ADAM32: variants seen among roughly 807,000 people sequenced by gnomAD.
The protein encoded by ADAM32 is ADAM metallopeptidase domain 32.
Under a neutral mutation model 114.9 loss-of-function variants are expected in ADAM32, and 89 were observed. The observed-to-expected ratio is 0.77, with a 90% CI of 0.65 to 0.92. ADAM32 has a LOEUF of 0.92. Ranked by LOEUF, ADAM32 falls within the 40% of genes least tolerant of loss-of-function variation. The probability of loss-of-function intolerance (pLI) is 0.00; values close to 1 mark genes in which losing one functional copy is unlikely to be tolerated. For synonymous variants in ADAM32, 285 were observed against 307.5 expected (o/e 0.93, Z 0.77); for missense variants, 870 against 932.8 (o/e 0.93, Z 0.88).
intron 12 of ADAM32, among the ~76,000 whole-genome samples, chr8:39,211,566 C>A (rs1042908682): frequency 4.6e-5 from 7 of 152,096 alleles, no homozygotes; most frequent in Admixed American, 4.6e-4. Context: ...CTAGAATAAG[C>A]TTTTGAGTTT....
intron 2 of ADAM32, among the ~76,000 whole-genome samples, chr8:39,131,158 G>A (rs1396930044): frequency 1.3e-5 from 2 of 151,880 alleles, no homozygotes; most frequent in Admixed American, 6.6e-5. Context: ...GGATTTCACC[G>A]TGTTAGCCAG....
At chr8:39,278,898 C>T (rs758510363) in intron 22 of ADAM32, among the ~76,000 whole-genome samples, 3 of 152,138 alleles carry the variant, frequency 2.0e-5, no homozygotes, top group Non-Finnish European at 4.4e-5. Context: ...AATGGTTACT[C>T]CTAGCTGAGA....
At chr8:39,215,915 A>G (rs972350602) in intron 12 of ADAM32, among the ~76,000 whole-genome samples, 8 of 152,108 alleles carry the variant, frequency 5.3e-5, no homozygotes, top group Admixed American at 2.6e-4. Context: ...CATTTTATCT[A>G]TAGTGCAGAT....
intron 6 of ADAM32, among the ~76,000 whole-genome samples, chr8:39,160,386 A>G (rs1397518303): frequency 3.9e-5 from 6 of 152,020 alleles, no homozygotes; most frequent in Non-Finnish European, 7.4e-5. Context: ...TAAAAATACA[A>G]AAAATTAGCC....
intron 16 of ADAM32, among the ~76,000 whole-genome samples, chr8:39,234,820 T>G (rs1318636250): frequency 1.3e-5 from 2 of 152,196 alleles, no homozygotes; most frequent in Non-Finnish European, 2.9e-5. Flanking sequence ...AACATCCAAA[T>G]AGCTCAAGCC....
intron 2 of ADAM32, among the ~76,000 whole-genome samples, chr8:39,127,805 G>A (rs755684675): frequency 2.6e-5 from 4 of 152,058 alleles, no homozygotes; most frequent in Non-Finnish European, 4.4e-5. Flanking sequence ...GCTTTTTGAT[G>A]TGGGCATTTA....
At chr8:39,171,470 C>A (rs888458532) in intron 10 of ADAM32, among the ~76,000 whole-genome samples, 1 of 152,092 alleles carries the variant, frequency 6.6e-6, no homozygotes, top group African/African-American at 2.4e-5. Context: ...GTAGCTCTCT[C>A]TATATATATT....
intron 14 of ADAM32, among the ~76,000 whole-genome samples, chr8:39,231,514 C>T (rs908598351): frequency 2.0e-5 from 3 of 151,820 alleles, no homozygotes; most frequent in Non-Finnish European, 2.9e-5. Context: ...TTTAAGCTGC[C>T]GAATCTTTTC....
intron 12 of ADAM32, among the ~76,000 whole-genome samples, chr8:39,217,929 G>C (rs2129448646): frequency 6.6e-6 from 1 of 152,252 alleles, no homozygotes; most frequent in Middle Eastern, 3.4e-3. Context: ...GCTTGTGGAT[G>C]TTCTTTGGTT....
chr8:39,208,140 A>T (rs1223232490), intron 11 of ADAM32, among the ~76,000 whole-genome samples: 4 of 152,052 alleles, frequency 2.6e-5, no homozygotes, highest in African/African-American at 9.7e-5. Context: ...TTTGAGGAAG[A>T]TTCATATTGT....
At chr8:39,171,237 G>A (rs912894577) in intron 10 of ADAM32, among the ~76,000 whole-genome samples, 1 of 152,096 alleles carries the variant, frequency 6.6e-6, no homozygotes, top group African/African-American at 2.4e-5. Flanking sequence ...GAGCCACCAT[G>A]CCTGGCCAGT....
At chr8:39,226,051 A>T (rs72641212) in intron 14 of ADAM32, among the ~76,000 whole-genome samples, 55 of 151,602 alleles carry the variant, frequency 3.6e-4, no homozygotes, top group Admixed American at 2.1e-3. Flanking sequence ...ACATTTTTAT[A>T]AAAAAAAATC....
intron 2 of ADAM32, among the ~76,000 whole-genome samples, chr8:39,128,090 C>T (rs1303618783): frequency 3.3e-5 from 5 of 152,040 alleles, no homozygotes; most frequent in Non-Finnish European, 5.9e-5. Flanking sequence ...TTTTCTGTTT[C>T]GATGATCTGT....
At chr8:39,234,110 A>T in intron 16 of ADAM32, 28 bp downstream of exon 16, 1 of 1,258,486 alleles carries the variant, frequency 7.9e-7, no homozygotes, top group Non-Finnish European at 1.0e-6. Flanking sequence ...TATTTAAAAA[A>T]TATAGTTTTA....
At chr8:39,278,931 G>T (rs1357686388) in intron 22 of ADAM32, among the ~76,000 whole-genome samples, 1 of 152,114 alleles carries the variant, frequency 6.6e-6, no homozygotes, top group Non-Finnish European at 1.5e-5. Context: ...AAAGCGTTTT[G>T]TAATATTCTG....
At position 39,257,315 on chromosome 8, in the gene ADAM32, G is replaced by T. The variant is rs567412717; in HGVS notation, c.2134G>T (p.Ala712Ser). The change falls in exon 19 of 25, where the codon GCC (alanine) becomes TCC (serine). Residue 712 changes from alanine (A) to serine (S), a missense_variant. Transcript: ENST00000379907. The stretch of plus-strand genomic sequence containing the variant: ...AAGGAAACAGTTGAAAAAGTGGTTC[G>T]CCAAGGAAGAGGAATTCCCAAGTAG... ...LARKQLKKWF[A>S]KEEEFPSSES... The T allele has an allele frequency of 1.2e-6, 2 of 1,612,972 alleles. No individual in the cohort carries two copies. The highest frequency in any genetic ancestry group is 1.7e-5 in the Admixed American group (1 of 59,894).
intron 22 of ADAM32, among the ~76,000 whole-genome samples, chr8:39,278,409 C>T (rs1048674351): frequency 2.6e-5 from 4 of 152,140 alleles, no homozygotes; most frequent in African/African-American, 7.2e-5. Context: ...CCCTTTTCTG[C>T]CTAGAATTTC....
intron 6 of ADAM32, chr8:39,157,514 C>A (rs888399805): frequency 1.1e-5 from 5 of 440,354 alleles, no homozygotes; most frequent in South Asian, 1.8e-5. Context: ...GAGATCCCAT[C>A]AGCTGTACAA....
intron 23 of ADAM32, among the ~76,000 whole-genome samples, chr8:39,283,127 G>C (rs1230516078): frequency 1.3e-5 from 2 of 152,014 alleles, no homozygotes; most frequent in Admixed American, 1.3e-4. Flanking sequence ...GACTGGGTGT[G>C]GTGGCTCACA....
Sources: allele counts gnomAD v4.1 joint callset (sites outside exome capture counted in the v4.1 genomes callset), GRCh38; gene constraint gnomAD v4.1.1; transcripts MANE v1.5; gene names NCBI Gene and HGNC (gene_info 2026-07-23, HGNC 2026-07-21).